ANK2: variants seen among roughly 807,000 people sequenced by gnomAD.
The protein encoded by ANK2 is ankyrin-2.
A neutral mutation model predicts 360.5 loss-of-function variants in ANK2; 83 were observed. That is an observed-to-expected ratio of 0.23 (90% CI 0.19 to 0.28). ANK2 has a LOEUF of 0.28. ANK2 is among the 10% of genes least tolerant of loss of function. The probability of loss-of-function intolerance (pLI) is 1.00; values close to 1 mark genes in which losing one functional copy is unlikely to be tolerated. For synonymous variants in ANK2, 1,740 were observed against 1,759.5 expected, an observed-to-expected ratio of 0.99 and a Z score of 0.28; for missense variants, 4,201 against 4,795.7, an observed-to-expected ratio of 0.88 and a Z score of 3.66.
chr4:112,847,166 C>A (rs890885364), intron 1 of ANK2, among the ~76,000 whole-genome samples: 6 of 152,180 alleles, frequency 3.9e-5, no homozygotes, highest in African/African-American at 1.4e-4. Context: ...CCTTCAGCCT[C>A]CACTCTCTGA....
At chr4:112,923,135 T>G (rs2091920320) in intron 2 of ANK2, among the ~76,000 whole-genome samples, 1 of 152,172 alleles carries the variant, frequency 6.6e-6, no homozygotes, top group African/African-American at 2.4e-5. Context: ...TATTTTGACA[T>G]TTAGTAGCAC....
At chr4:112,984,596 G>A (rs1379676025) in intron 2 of ANK2, among the ~76,000 whole-genome samples, 1 of 152,176 alleles carries the variant, frequency 6.6e-6, no homozygotes, top group Non-Finnish European at 1.5e-5. Context: ...ATATCAGTCA[G>A]TATATAAGAA....
the ANK2 span, among the ~76,000 whole-genome samples, chr4:112,707,831 T>C: frequency 6.6e-6 from 1 of 152,214 alleles, no homozygotes; most frequent in Admixed American, 6.5e-5. Context: ...TGGAAGGTCA[T>C]TGTTATTTTG....
intron 4 of ANK2, among the ~76,000 whole-genome samples, chr4:113,208,546 A>G (rs2098982135): frequency 6.6e-6 from 1 of 152,050 alleles, no homozygotes; most frequent in East Asian, 1.9e-4. Context: ...TCTGTCACCC[A>G]AGCTGGAGTG....
intron 34 of ANK2, 111 bp from the exon 35 acceptor site, chr4:113,345,789 C>T (rs914411927): frequency 7.1e-7 from 1 of 1,403,990 alleles, no homozygotes; most frequent in African/African-American, 1.4e-5. Flanking sequence ...CCTTTGAGTT[C>T]TTACCTAGCA....
At position 113,249,830 on chromosome 4, in the gene ANK2, G is replaced by C. The variant is rs2153601759; in HGVS notation, c.958G>C (p.Glu320Gln). The change falls in exon 10 of 46, where the codon GAA becomes CAA. Residue 320 changes from glutamate to glutamine, a missense_variant. This residue lies in a region of ANK2 where 122 missense variants were observed against 239.3 expected (regional missense o/e 0.51). Transcript: ENST00000357077. ...TGACCAAGTGGTGGAACTTCTGTTG[G>C]AACGGGGTGCCCCCTTGCTGGCAAG... ...GHDQVVELLL[E>Q]RGAPLLARTK... 1 of 1,614,148 alleles carries C rather than the reference G, an allele frequency of 6.2e-7. No homozygotes were observed.
chr4:112,717,381 C>A, the ANK2 span, among the ~76,000 whole-genome samples: 1 of 152,074 alleles, frequency 6.6e-6, no homozygotes, highest in African/African-American at 2.4e-5. Context: ...TATCTGTCTG[C>A]ACTTTAACTT....
chr4:112,829,975 A>T (rs2059364398), intron 1 of ANK2, among the ~76,000 whole-genome samples: 1 of 151,912 alleles, frequency 6.6e-6, no homozygotes, highest in African/African-American at 2.4e-5. Context: ...ATAAAAATAA[A>T]AAATAAAAAA....
intron 2 of ANK2, among the ~76,000 whole-genome samples, chr4:113,038,635 C>G (rs528404264): frequency 6.6e-6 from 1 of 152,112 alleles, no homozygotes; most frequent in South Asian, 2.1e-4. Flanking sequence ...TTCTTCACCC[C>G]TTGAATCTGG....
chr4:113,119,771 A>T (rs1345253149), intron 1 of ANK2, among the ~76,000 whole-genome samples: 1 of 152,170 alleles, frequency 6.6e-6, no homozygotes, highest in African/African-American at 2.4e-5. Context: ...CTTGAAAGAA[A>T]ATAAATAAGC....
intron 4 of ANK2, among the ~76,000 whole-genome samples, chr4:113,217,606 C>G (rs546709000): frequency 2.6e-4 from 40 of 152,220 alleles, no homozygotes; most frequent in African/African-American, 8.9e-4. Context: ...CAACCTAGAT[C>G]CCTTTCACAG....
At chr4:112,834,706 G>A (rs1241439479) in intron 1 of ANK2, among the ~76,000 whole-genome samples, 1 of 151,958 alleles carries the variant, frequency 6.6e-6, no homozygotes, top group African/African-American at 2.4e-5. Context: ...TTTTCCAATT[G>A]CTCTGATTTT....
intron 26 of ANK2, among the ~76,000 whole-genome samples, chr4:113,325,033 T>G (rs2088977816): frequency 6.6e-6 from 1 of 152,194 alleles, no homozygotes; most frequent in Admixed American, 6.5e-5. Context: ...AATGGTTGCT[T>G]TTGCTTTTAT....
chr4:113,249,529 C>T (rs1159278069), intron 9 of ANK2, among the ~76,000 whole-genome samples: 1 of 152,138 alleles, frequency 6.6e-6, no homozygotes, highest in Admixed American at 6.5e-5. Context: ...TTGCTTTCTC[C>T]CTGTCTCTGT....
At chr4:113,195,832 A>G (rs181801418) in intron 2 of ANK2, among the ~76,000 whole-genome samples, 312 of 152,236 alleles carry the variant, frequency 2.0e-3, no homozygotes, top group African/African-American at 7.1e-3. Context: ...AGTTTTTTCC[A>G]AATTGTTGGT....
chr4:113,209,048 A>C (rs548967256), intron 4 of ANK2, among the ~76,000 whole-genome samples: 2 of 151,978 alleles, frequency 1.3e-5, no homozygotes, highest in Non-Finnish European at 2.9e-5. Context: ...AATAGGAGAA[A>C]AGGAATACAA....
At chr4:113,091,527 C>T (rs4834313) in intron 1 of ANK2, among the ~76,000 whole-genome samples, 83,159 of 152,134 alleles carry the variant, frequency 0.55, 23,109 homozygotes, top group East Asian at 0.7. Context: ...AAAAGCAAAA[C>T]GGTCCAAATG....
At chr4:113,123,219 T>G (rs934651260) in intron 1 of ANK2, among the ~76,000 whole-genome samples, 4 of 152,088 alleles carry the variant, frequency 2.6e-5, no homozygotes, top group African/African-American at 9.7e-5. Context: ...AAATCAGAAT[T>G]AATTCTTTCG....
At chr4:113,092,439 A>G (rs943534232) in intron 1 of ANK2, among the ~76,000 whole-genome samples, 3 of 152,148 alleles carry the variant, frequency 2.0e-5, no homozygotes, top group African/African-American at 4.8e-5. Context: ...TGTAAAAAGC[A>G]GACTCTCAGA....
Sources: gnomAD v4.1 joint callset for allele counts (sites outside exome capture counted in the v4.1 genomes callset) on GRCh38, gnomAD v4.1.1 for gene constraint, gnomAD v4.1.1 regional missense constraint, MANE v1.5 for transcripts, NCBI Gene and HGNC (gene_info 2026-07-23, HGNC 2026-07-21) for gene names.